OXR1: variants seen among roughly 807,000 people sequenced by gnomAD.
OXR1 encodes oxidation resistance protein 1.
In OXR1, 41 loss-of-function variants were observed where a neutral mutation model predicts 104.6. That is an observed-to-expected ratio of 0.39 (90% CI 0.31 to 0.51). The LOEUF (loss-of-function observed/expected upper bound fraction) is 0.51. OXR1 is among the 20% of genes least tolerant of loss of function. OXR1 has a pLI of 0.77. For synonymous variants in OXR1, 348 were observed against 348.4 expected, an observed-to-expected ratio of 1.00 and a Z score of 0.01; for missense variants, 955 against 1,031.9, an observed-to-expected ratio of 0.93 and a Z score of 1.02.
intron 3 of OXR1, among the ~76,000 whole-genome samples, chr8:106,652,396 A>G (rs989979361): frequency 3.3e-5 from 5 of 152,134 alleles, no homozygotes; most frequent in African/African-American, 1.2e-4. Context: ...AATGATTTTG[A>G]AAGGATGGGG....
intron 2 of OXR1, among the ~76,000 whole-genome samples, chr8:106,367,753 A>G (rs1816535623): frequency 6.6e-6 from 1 of 152,204 alleles, no homozygotes; most frequent in Non-Finnish European, 1.5e-5. Flanking sequence ...ATAAAGATAG[A>G]GTATGATGGT....
At chr8:106,501,277 C>G (rs2129949782) in intron 2 of OXR1, among the ~76,000 whole-genome samples, 1 of 152,280 alleles carries the variant, frequency 6.6e-6, no homozygotes, top group Middle Eastern at 3.4e-3. Flanking sequence ...GCAACTGCCA[C>G]CACGCCTGGC....
chr8:106,517,289 TG>T (rs768585525), intron 2 of OXR1, among the ~76,000 whole-genome samples: 1 of 152,204 alleles, frequency 6.6e-6, no homozygotes, highest in Non-Finnish European at 1.5e-5. Flanking sequence ...TCATAGGGCA[TG>T]CCCTCTTTTA....
intron 2 of OXR1, chr8:106,447,920 A>G (rs1586652975): frequency 6.5e-7 from 1 of 1,526,846 alleles, no homozygotes; most frequent in African/African-American, 1.4e-5. Context: ...TAGTGGGTGG[A>G]GCTAACGAGA....
chr8:106,548,153 T>A (rs1403108950), intron 3 of OXR1, among the ~76,000 whole-genome samples: 1 of 152,250 alleles, frequency 6.6e-6, no homozygotes, highest in Non-Finnish European at 1.5e-5. Flanking sequence ...GTATTTGTTT[T>A]TAATAATAGT....
At chr8:106,471,539 T>G (rs949102798) in intron 2 of OXR1, among the ~76,000 whole-genome samples, 7 of 151,768 alleles carry the variant, frequency 4.6e-5, no homozygotes, top group African/African-American at 1.7e-4. Context: ...GTGTATTGCA[T>G]GCGATAGACT....
intron 2 of OXR1, among the ~76,000 whole-genome samples, chr8:106,389,749 T>A (rs1456909253): frequency 6.6e-6 from 1 of 152,180 alleles, no homozygotes; most frequent in Non-Finnish European, 1.5e-5. Context: ...TGGATTAGTT[T>A]CATTTGCTCT....
At chr8:106,387,141 G>A (rs1817407961) in intron 2 of OXR1, among the ~76,000 whole-genome samples, 1 of 152,198 alleles carries the variant, frequency 6.6e-6, no homozygotes, top group Non-Finnish European at 1.5e-5. Context: ...GTGAGCATTA[G>A]TGCCATGCCT....
chr8:106,743,509 C>T (rs999578713), intron 15 of OXR1, among the ~76,000 whole-genome samples: 22 of 152,084 alleles, frequency 1.4e-4, no homozygotes, highest in African/African-American at 4.8e-4. Context: ...TTAGTAGAGA[C>T]GGGGTTTTGC....
At chr8:106,748,651 C>T (rs529340754) in intron 16 of OXR1, among the ~76,000 whole-genome samples, 1 of 134,938 alleles carries the variant, frequency 7.4e-6, no homozygotes, top group East Asian at 2.4e-4. Flanking sequence ...TCACTGTAAC[C>T]TCTGCCTCCC....
At chr8:106,322,127 T>A (rs908150794) in intron 1 of OXR1, among the ~76,000 whole-genome samples, 2 of 152,132 alleles carry the variant, frequency 1.3e-5, no homozygotes, top group Non-Finnish European at 2.9e-5. Context: ...TATAACACTT[T>A]AGTTGAAAAG....
At chr8:106,468,090 G>A (rs539366484) in intron 2 of OXR1, among the ~76,000 whole-genome samples, 3 of 151,830 alleles carry the variant, frequency 2.0e-5, no homozygotes, top group South Asian at 2.1e-4. Flanking sequence ...AAGATAAGTA[G>A]CATTGTGTAT....
chr8:106,725,529 A>G (rs1274518968), intron 11 of OXR1, among the ~76,000 whole-genome samples: 1 of 152,226 alleles, frequency 6.6e-6, no homozygotes, highest in Non-Finnish European at 1.5e-5. Context: ...TTAGTGAAGT[A>G]TATGTAGGCA....
At chr8:106,513,978 AG>A in intron 2 of OXR1, among the ~76,000 whole-genome samples, 1 of 152,272 alleles carries the variant, frequency 6.6e-6, no homozygotes, top group South Asian at 2.1e-4. Context: ...CAGAAGGACA[AG>A]AAAAAGCAAA....
chr8:106,510,306 G>C (rs1812439017), intron 2 of OXR1, among the ~76,000 whole-genome samples: 1 of 152,046 alleles, frequency 6.6e-6, no homozygotes, highest in South Asian at 2.1e-4. Context: ...CTAAATCCTA[G>C]GAATGAAATG....
At chr8:106,523,975 A>T in intron 3 of OXR1, among the ~76,000 whole-genome samples, 1 of 151,942 alleles carries the variant, frequency 6.6e-6, no homozygotes, top group East Asian at 1.9e-4. Context: ...ACGGGGTTTC[A>T]CCAGGTTAGC....
chr8:106,651,534 G>T (rs1360252770), intron 3 of OXR1, among the ~76,000 whole-genome samples: 2 of 152,040 alleles, frequency 1.3e-5, no homozygotes, highest in Non-Finnish European at 2.9e-5. Context: ...CCATTAAATG[G>T]CCTGGGCATC....
chr8:106,371,706 C>G (rs577087176), intron 2 of OXR1, among the ~76,000 whole-genome samples: 5 of 152,158 alleles, frequency 3.3e-5, no homozygotes, highest in Non-Finnish European at 7.3e-5. Flanking sequence ...GTGTGGTTTT[C>G]AGTGAGTTTC....
At chr8:106,329,341 T>C (rs2130215759) in intron 1 of OXR1, among the ~76,000 whole-genome samples, 1 of 149,330 alleles carries the variant, frequency 6.7e-6, no homozygotes, top group Non-Finnish European at 1.5e-5. Flanking sequence ...TGTGTAATAC[T>C]CATTGACACT....
Sources: allele counts gnomAD v4.1 joint callset (sites outside exome capture counted in the v4.1 genomes callset), GRCh38; gene constraint gnomAD v4.1.1; transcripts MANE v1.5; gene names NCBI Gene and HGNC (gene_info 2026-07-23, HGNC 2026-07-21).